Variants in GPD1L observed in about 807,000 individuals in gnomAD.
GPD1L encodes the protein glycerol-3-phosphate dehydrogenase 1 like.
GPD1L carries 17 observed loss-of-function variants against 32.9 expected under a neutral mutation model. The observed-to-expected ratio is 0.52, with a 90% CI of 0.35 to 0.78. The LOEUF (loss-of-function observed/expected upper bound fraction) is 0.78, where lower values mean the gene tolerates loss of function less well. GPD1L is among the 30% of genes least tolerant of loss of function. The pLI is 0.01. For missense variants in GPD1L, 361 were observed against 447.8 expected (o/e 0.81, Z 1.75); for synonymous variants, 187 against 165.9 (o/e 1.13, Z -0.98).
At position 32,162,230 on chromosome 3, in the gene GPD1L, C is replaced by G. The variant is rs76953767; in HGVS notation, c.959+2556C>G. ...CATTCACATTCAGAGGCCTCCTGCTCTTATAGAGTGAAGCACATGGTCCTT... is the reference window on the plus strand; with the variant it reads ...CATTCACATTCAGAGGCCTCCTGCTGTTATAGAGTGAAGCACATGGTCCTT... On this transcript the variant is annotated intron_variant, in intron 7 of 7. Coordinates refer to ENST00000282541, the MANE Select transcript of GPD1L (RefSeq NM_015141.4). Among the ~76,000 whole-genome samples, 3,544 of 152,258 alleles carry G rather than the reference C, an allele frequency of 0.023. 304 individuals carry two copies. In the East Asian group the frequency reaches 0.25, roughly 11 times the overall value.
rs991691893 is a variant in GPD1L, at chr3:32,166,541, T to C, written c.*631T>C. 2 of 154,862 alleles carry C rather than the reference T, an allele frequency of 1.3e-5. No homozygotes were observed. Among genetic ancestry groups the C allele is most frequent in the African/African-American group, 4.8e-5 (2 of 41,458 alleles). The allele number at this position is 154,862 out of a possible 1,614,324, so 9.6% of individuals were successfully genotyped here. On this transcript the variant is annotated 3_prime_UTR_variant, in exon 8 of 8. Transcript: ENST00000282541. Reference sequence around the variant, plus strand: ...TTTCTCTTCGTTAGTTGTCAGAATATGCCTTCGTCAAGGCTCAGAGGTAAC... The same window carrying C: ...TTTCTCTTCGTTAGTTGTCAGAATACGCCTTCGTCAAGGCTCAGAGGTAAC...
intron 7 of GPD1L, among the ~76,000 whole-genome samples, chr3:32,163,271 C>A (rs1284456227): frequency 6.7e-6 from 1 of 149,160 alleles, no homozygotes; most frequent in Admixed American, 6.7e-5. Flanking sequence ...CAGGTTCACA[C>A]CATTCTTCTG....
At chr3:32,124,666 C>A (rs1006027964) in intron 1 of GPD1L, among the ~76,000 whole-genome samples, 1 of 152,188 alleles carries the variant, frequency 6.6e-6, no homozygotes, top group Admixed American at 6.5e-5. Flanking sequence ...TGGCTCATGC[C>A]TGTAATCCTA....
intron 3 of GPD1L, among the ~76,000 whole-genome samples, chr3:32,139,766 A>G (rs571563749): frequency 2.5e-4 from 38 of 152,380 alleles, no homozygotes; most frequent in Non-Finnish European, 7.3e-5. Context: ...ATGCAGCCAC[A>G]TGAGTGAATC....
rs554168844 is a variant in GPD1L, at chr3:32,167,169, G to A, written c.*1259G>A. 6.6e-6 allele frequency: 1 copy of A among 152,312 alleles called. No homozygotes were observed. Among genetic ancestry groups the A allele is most frequent in the East Asian group, 1.9e-4 (1 of 5,184 alleles). 9.4% of individuals were successfully genotyped at this position (152,312 alleles called of 1,614,324 possible). On this transcript the variant is annotated 3_prime_UTR_variant, in exon 8 of 8. Coordinates refer to ENST00000282541, the MANE Select transcript of GPD1L (RefSeq NM_015141.4). ...GTTCCCTAGGAAATGACTGTCCCAA[G>A]AGCCAGTGATTATTCCAGGTGTTCC...
chr3:32,127,189 G>A (rs1422468327), intron 1 of GPD1L, among the ~76,000 whole-genome samples: 3 of 152,162 alleles, frequency 2.0e-5, no homozygotes, highest in Non-Finnish European at 2.9e-5. Context: ...AGAAAAAGTA[G>A]CAACTGCCCT....
chr3:32,121,751 C>CTA (rs1244805776), intron 1 of GPD1L, among the ~76,000 whole-genome samples: 16 of 133,376 alleles, frequency 1.2e-4, no homozygotes, highest in Admixed American at 4.0e-4. Context: ...ATATATATTT[C>CTA]TATATATATA....
At chr3:32,111,548 T>G (rs553407693) in intron 1 of GPD1L, among the ~76,000 whole-genome samples, 2 of 152,272 alleles carry the variant, frequency 1.3e-5, no homozygotes, top group South Asian at 4.1e-4. Flanking sequence ...TATTATTAGT[T>G]TCATCATCCT....
rs1701142569 is a variant in GPD1L at position 32,166,057 on chromosome 3, T to C, written c.*147T>C. On this transcript the variant is annotated 3_prime_UTR_variant, in exon 8 of 8. Transcript: ENST00000282541. Reference sequence around the variant, plus strand: ...TTTTTACAGGTTCGTTTTTGAATTGTGAGAGGCAGTTCATTAGCAAAGATG... The same window carrying C: ...TTTTTACAGGTTCGTTTTTGAATTGCGAGAGGCAGTTCATTAGCAAAGATG... 1 of 690,920 alleles carries C rather than the reference T, an allele frequency of 1.4e-6. No individual in the cohort carries two copies. The highest frequency in any genetic ancestry group is 1.8e-5 in the African/African-American group (1 of 56,880). The allele number at this position is 690,920 out of a possible 1,614,324, so 42.8% of individuals were successfully genotyped here.
chr3:32,121,751 CTATATATATATATTTCTA>C (rs1700424585), intron 1 of GPD1L, among the ~76,000 whole-genome samples: 1 of 133,388 alleles, frequency 7.5e-6, no homozygotes, highest in Non-Finnish European at 1.6e-5. Flanking sequence ...ATATATATTT[CTATATATATATATTTCTA>C]TATATATATA....
intron 1 of GPD1L, among the ~76,000 whole-genome samples, chr3:32,113,524 C>T (rs546829771): frequency 6.6e-6 from 1 of 152,286 alleles, no homozygotes; most frequent in East Asian, 1.9e-4. Context: ...CCCTTTCCTC[C>T]TCCCCAACTG....
chr3:32,162,426 C>T (rs1346580101), intron 7 of GPD1L, among the ~76,000 whole-genome samples: 3 of 57,678 alleles, frequency 5.2e-5, no homozygotes, highest in Non-Finnish European at 3.0e-5. Context: ...TCGCCCAGGC[C>T]GGACTGCGGA....
intron 5 of GPD1L, 109 bp downstream of exon 5, chr3:32,146,843 A>G: frequency 6.5e-6 from 5 of 774,178 alleles, no homozygotes; most frequent in Non-Finnish European, 1.2e-5. Flanking sequence ...ATCAGCGAAG[A>G]ATAGTGAATT....
chr3:32,143,905 G>C lies in GPD1L; in HGVS notation c.506-2717G>C, dbSNP rs181940787. On this transcript the variant is annotated intron_variant, in intron 4 of 7. Coordinates refer to ENST00000282541, the MANE Select transcript of GPD1L (RefSeq NM_015141.4). ...CCTGAGATGAGAGGATTGCTTCAGC[G>C]TGGGAGGTGGAGGCTGCAATGAGCA... is the stretch of plus-strand genomic sequence containing the variant. Among the ~76,000 whole-genome samples, 586 of 152,194 alleles carry C rather than the reference G, an allele frequency of 3.9e-3. 2 individuals are homozygous for C. Among genetic ancestry groups the C allele is most frequent in the African/African-American group, 0.013 (551 of 41,538 alleles).
rs1701167750 is a variant in GPD1L at position 32,167,741 on chromosome 3, C to G, written c.*1831C>G. The G allele has an allele frequency of 6.6e-6, 1 of 152,442 alleles. No individual in the cohort carries two copies. Among genetic ancestry groups the G allele is most frequent in the African/African-American group, 2.4e-5 (1 of 41,444 alleles). The allele number at this position is 152,442 out of a possible 1,614,324, so 9.4% of individuals were successfully genotyped here. On this transcript the variant is annotated 3_prime_UTR_variant, in exon 8 of 8. Coordinates refer to ENST00000282541, the MANE Select transcript of GPD1L (RefSeq NM_015141.4). ...GAGATTTGGGCCTGTCCCTCAATGC[C>G]AGTTTAGGATTTCTTTTTTTCTATA...
chr3:32,116,443 T>C (rs1700334577), intron 1 of GPD1L, among the ~76,000 whole-genome samples: 1 of 152,188 alleles, frequency 6.6e-6, no homozygotes, highest in Admixed American at 6.5e-5. Context: ...ATTCTGATCC[T>C]CACAACCAGG....
chr3:32,140,543 T>C (rs1433760542), intron 4 of GPD1L, among the ~76,000 whole-genome samples, 177 bp downstream of exon 4: 3 of 152,200 alleles, frequency 2.0e-5, no homozygotes, highest in Non-Finnish European at 4.4e-5. Flanking sequence ...GGAACTGAAG[T>C]GTTTCAACAA....
chr3:32,150,016 T>A (rs1700889441), intron 5 of GPD1L, among the ~76,000 whole-genome samples: 1 of 152,038 alleles, frequency 6.6e-6, no homozygotes, highest in South Asian at 2.1e-4. Flanking sequence ...TACCATGGGT[T>A]TTGAGAGTTG....
Position 32,106,943 on chromosome 3 carries a change from C to G in GPD1L, c.47+185C>G, listed in dbSNP as rs1470855371. On this transcript the variant is annotated intron_variant, in intron 1 of 7. Coordinates refer to ENST00000282541, the MANE Select transcript of GPD1L (RefSeq NM_015141.4). The surrounding 1 kb of genome is among the most constrained non-coding windows in gnomAD (Gnocchi z 4.0). ...AGGAGGCCGCACCGGGGCACTCGCTCGGGAGGCGCTGGGCTCGCGTGCGTG... is the reference window on the plus strand; with the variant it reads ...AGGAGGCCGCACCGGGGCACTCGCTGGGGAGGCGCTGGGCTCGCGTGCGTG... 2 of 460,594 alleles carry G rather than the reference C, an allele frequency of 4.3e-6. No individual in the cohort carries two copies. The highest frequency in any genetic ancestry group is 7.1e-6 in the Non-Finnish European group (2 of 283,516). 28.5% of individuals were successfully genotyped at this position (460,594 alleles called of 1,614,324 possible).
Sources: gnomAD v4.1 joint callset for allele counts (sites outside exome capture counted in the v4.1 genomes callset) on GRCh38, gnomAD v4.1.1 for gene constraint, Gnocchi (gnomAD v3.1) non-coding constraint, MANE v1.5 for transcripts, NCBI Gene and HGNC (gene_info 2026-07-23, HGNC 2026-07-21) for gene names.